Variants in SMG5 observed in about 807,000 individuals in gnomAD.
The protein encoded by SMG5 is SMG5 nonsense mediated mRNA decay factor, also known as nonsense-mediated mRNA decay factor SMG5.
A neutral mutation model predicts 122.9 loss-of-function variants in SMG5; 53 were observed. That is an observed-to-expected ratio of 0.43 (90% CI 0.35 to 0.54). The LOEUF (loss-of-function observed/expected upper bound fraction) is 0.54. Ranked by LOEUF, SMG5 falls within the 20% of genes least tolerant of loss-of-function variation. The pLI, the probability that SMG5 is intolerant of heterozygous loss-of-function variation, is 0.01. For synonymous variants in SMG5, 477 were observed against 490.2 expected, an observed-to-expected ratio of 0.97 and a Z score of 0.35; for missense variants, 1,153 against 1,285.6, an observed-to-expected ratio of 0.90 and a Z score of 1.58.
Position 156,268,424 on chromosome 1 carries a change from G to C in SMG5, c.714-9C>G. 6.2e-7 allele frequency: 1 copy of C among 1,613,236 alleles called. No homozygotes were observed. The highest frequency in any genetic ancestry group is 8.5e-7 in the Non-Finnish European group (1 of 1,179,792). ...ACACTTCTGACTGGATGCTGTAAGA[G>C]ATAGAGGTGAGCTACTGAGTCTTGG... is the stretch of plus-strand genomic sequence containing the variant. On this transcript the variant is annotated splice_polypyrimidine_tract_variant and intron_variant, in intron 7 of 21. Transcript: ENST00000361813.
chr1:156,274,552 G>A lies in SMG5; in HGVS notation c.544+45C>T, dbSNP rs111248131. Reference sequence around the variant, plus strand: ...CCAACAACTGAAGCAGCCTGGGCTCGTCCTGTAACCCAAAACAGAGAAAAT... The same window carrying A: ...CCAACAACTGAAGCAGCCTGGGCTCATCCTGTAACCCAAAACAGAGAAAAT... On this transcript the variant is annotated intron_variant, in intron 5 of 21. Coordinates refer to ENST00000361813, the MANE Select transcript of SMG5 (RefSeq NM_015327.3). The A allele has an allele frequency of 1.5e-3, 2,288 of 1,569,182 alleles. 40 individuals are homozygous for A. In the African/African-American group the frequency reaches 0.026, roughly 18 times the overall value.
intron 4 of SMG5, among the ~76,000 whole-genome samples, chr1:156,275,376 A>G (rs934673147): frequency 1.3e-5 from 2 of 152,214 alleles, no homozygotes; most frequent in African/African-American, 4.8e-5. Flanking sequence ...TGGTAACTTC[A>G]GAGAGCTTGA....
intron 16 of SMG5, among the ~76,000 whole-genome samples, chr1:156,255,843 C>A (rs1386118212): frequency 6.6e-6 from 1 of 152,130 alleles, no homozygotes; most frequent in African/African-American, 2.4e-5. Context: ...TTCAAGGCTG[C>A]AGTGAGCTAT....
upstream of SMG5, chr1:156,282,867 C>G (rs1663034619): frequency 1.6e-6 from 1 of 607,816 alleles, no homozygotes; most frequent in African/African-American, 1.9e-5. Context: ...GGCAGCCGCA[C>G]AGTTGCGGAC....
At chr1:156,283,720 CCTT>C (rs895835813), upstream of SMG5, among the ~76,000 whole-genome samples, 15 of 152,334 alleles carry the variant, frequency 9.8e-5, no homozygotes, top group Admixed American at 8.5e-4. Flanking sequence ...CAGCCACCCA[CCTT>C]CTTTCTGTTC....
intron 5 of SMG5, among the ~76,000 whole-genome samples, chr1:156,273,871 G>A (rs1163482783): frequency 6.6e-6 from 1 of 151,630 alleles, no homozygotes; most frequent in Non-Finnish European, 1.5e-5. Flanking sequence ...GGCTCTTCTT[G>A]GTAATCTCTT....
At chr1:156,276,794 G>GAATT (rs1662703228) in intron 4 of SMG5, among the ~76,000 whole-genome samples, 1 of 152,178 alleles carries the variant, frequency 6.6e-6, no homozygotes, top group Non-Finnish European at 1.5e-5. Flanking sequence ...AAATTCAACT[G>GAATT]GGAGAAGAAA....
Position 156,250,570 on chromosome 1 carries a change from G to A in SMG5, c.*17C>T, listed in dbSNP as rs766055302. The A allele has an allele frequency of 6.2e-7, 1 of 1,609,306 alleles. No homozygotes were observed. The highest frequency in any genetic ancestry group is 1.3e-5 in the African/African-American group (1 of 74,934). On this transcript the variant is annotated 3_prime_UTR_variant, in exon 22 of 22. Coordinates refer to ENST00000361813, the MANE Select transcript of SMG5 (RefSeq NM_015327.3). ...GAGATCTGGAGTCAGCCCCACTGCA[G>A]GGCCTGGGGGTCAGTATCAACCAAT...
At chr1:156,276,827 C>G (rs1662705341) in intron 4 of SMG5, among the ~76,000 whole-genome samples, 1 of 152,222 alleles carries the variant, frequency 6.6e-6, no homozygotes, top group African/African-American at 2.4e-5. Flanking sequence ...ATACCACCTT[C>G]CAGTGCCAGA....
rs1048482085 is a variant in SMG5 at position 156,269,815 on chromosome 1, C to T, written c.714-1400G>A. 2.0e-5 allele frequency among the ~76,000 whole-genome samples: 3 copies of T among 152,186 alleles called. No individual in the cohort carries two copies. In the South Asian group the frequency reaches 6.2e-4, roughly 31 times the overall value. ...GCGTGAATCCAGGAGGCGGAGCTTG[C>T]AGCGAGCTGAGATCGCGCCACTGCA... On this transcript the variant is annotated intron_variant, in intron 7 of 21. Coordinates refer to ENST00000361813, the MANE Select transcript of SMG5 (RefSeq NM_015327.3).
At chr1:156,279,141 A>G in intron 1 of SMG5, 107 bp from the exon 2 acceptor site, 2 of 923,384 alleles carry the variant, frequency 2.2e-6, no homozygotes, top group South Asian at 1.4e-5. Flanking sequence ...GCGGTGAGGG[A>G]AAAAGGAGAA....
chr1:156,259,507 G>C (rs1275547633), intron 15 of SMG5, among the ~76,000 whole-genome samples: 6 of 152,090 alleles, frequency 3.9e-5, no homozygotes, highest in Non-Finnish European at 5.9e-5. Flanking sequence ...TATGCTCTAG[G>C]GGACCAAACT....
chr1:156,263,237 C>T (rs760492290), intron 13 of SMG5, among the ~76,000 whole-genome samples, 158 bp downstream of exon 13: 14 of 152,244 alleles, frequency 9.2e-5, no homozygotes, highest in Admixed American at 2.0e-4. Context: ...CCTAATCCTT[C>T]CCTGTCAGAG....
Position 156,249,856 on chromosome 1 carries a change from G to A in SMG5, c.*731C>T, listed in dbSNP as rs537933871. The A allele has an allele frequency of 8.5e-6, 4 of 471,260 alleles. No individual in the cohort carries two copies. The highest frequency in any genetic ancestry group is 7.0e-5 in the Admixed American group (3 of 42,596). The allele number at this position is 471,260 out of a possible 1,614,324, so 29.2% of individuals were successfully genotyped here. ...GGCACAGGAGACCGTGCTGGCACAG[G>A]CCAGACTGCCTGCAGCCCTAGGTGG... On this transcript the variant is annotated 3_prime_UTR_variant, in exon 22 of 22. Transcript: ENST00000361813.
At position 156,282,596 on chromosome 1, in the gene SMG5, GC is replaced by G. The variant is rs1224713825; in HGVS notation, c.74+10del. On this transcript the variant is annotated intron_variant, in intron 1 of 21. Transcript: ENST00000361813. ...CCTCGGTGGCTGCTCTCACGCCCTG[GC>G]CCCTCTCACCGGTAAAGCCGCTTAG... 6.2e-7 allele frequency: 1 copy of G among 1,605,492 alleles called. No individual in the cohort carries two copies. Among genetic ancestry groups the G allele is most frequent in the Non-Finnish European group, 8.5e-7 (1 of 1,178,818 alleles).
In SMG5 at chr1:156,250,643, T is replaced by C; in HGVS notation, c.2995A>G (p.Ser999Gly). The change falls in exon 22 of 22, where the codon AGT becomes GGT. Residue 999 changes from serine to glycine, a missense_variant. Physicochemically the swap from Ser to Gly is moderately conservative, Grantham distance 56 (BLOSUM62 0). Around this residue, in one of 5 missense-constraint regions of SMG5, gnomAD observed 84 missense variants for 82.3 expected, o/e 1.02. Transcript: ENST00000361813. ...TCCAGAACATTCTTGATGTCCACAC[T>C]GGCGTGGGCAGCGGCCTGCAGGGCT... ...QAALQAAAHASVDIKNVLDFY... is the reference protein window; with the variant it reads ...QAALQAAAHAGVDIKNVLDFY... 6.2e-7 allele frequency: 1 copy of C among 1,614,110 alleles called. No individual in the cohort carries two copies. The highest frequency in any genetic ancestry group is 8.5e-7 in the Non-Finnish European group (1 of 1,180,020).
intron 12 of SMG5, among the ~76,000 whole-genome samples, chr1:156,265,099 T>G (rs1467740228): frequency 6.7e-6 from 1 of 150,130 alleles, no homozygotes; most frequent in Admixed American, 6.6e-5. Context: ...AGTGCATGCC[T>G]GTCATCCCAG....
At chr1:156,287,426 A>G (rs573294646), upstream of SMG5, among the ~76,000 whole-genome samples, 18 of 152,142 alleles carry the variant, frequency 1.2e-4, no homozygotes, top group East Asian at 1.4e-3. Context: ...AAACAAATAA[A>G]TAAATAATTA....
At chr1:156,291,462 T>C in the SMG5 span, 1 of 1,613,846 alleles carries the variant, frequency 6.2e-7, no homozygotes, top group Non-Finnish European at 8.5e-7. Flanking sequence ...CTGCCACTGC[T>C]GTCGATGCTG....
Sources: gnomAD v4.1 joint callset for allele counts (sites outside exome capture counted in the v4.1 genomes callset) on GRCh38, gnomAD v4.1.1 for gene constraint, gnomAD v4.1.1 regional missense constraint, MANE v1.5 for transcripts, NCBI Gene and HGNC (gene_info 2026-07-23, HGNC 2026-07-21) for gene names.